WNT3: variants seen among roughly 807,000 people sequenced by gnomAD.
WNT3 encodes proto-oncogene Wnt-3.
WNT3 carries 7 observed loss-of-function variants against 34.2 expected under a neutral mutation model. That is an observed-to-expected ratio of 0.20 (90% confidence interval 0.12 to 0.38). The LOEUF is 0.38. Ranked by LOEUF, WNT3 falls within the 10% of genes least tolerant of loss-of-function variation. WNT3 has a pLI of 1.00. For missense variants in WNT3, 267 were observed against 499.8 expected, an observed-to-expected ratio of 0.53 and a Z score of 4.44; for synonymous variants, 212 against 211.5, an observed-to-expected ratio of 1.00 and a Z score of -0.02.
At position 46,768,334 on chromosome 17, in the gene WNT3, G is replaced by A; in HGVS notation, c.1054C>T (p.His352Tyr). ...TACCTGGTGCCCTACTTGCAGGTGT[G>A]CACGTCGTAGATGCGAATACACTCC... ...CQECIRIYDV[H>Y]TCK The change falls in exon 4 of 5, where the codon CAC (histidine) becomes TAC (tyrosine). Residue 352 changes from histidine to tyrosine, a missense_variant. This residue lies in a region of WNT3 where 60 missense variants were observed against 82.7 expected (regional missense o/e 0.73). Coordinates refer to ENST00000225512, the MANE Select transcript of WNT3 (RefSeq NM_030753.5). This position sits in a 1 kb window ranked among gnomAD's most constrained non-coding sequence, Gnocchi z 5.0. 1.2e-6 allele frequency: 2 copies of A among 1,613,682 alleles called. No individual in the cohort carries two copies. Among genetic ancestry groups the A allele is most frequent in the Non-Finnish European group, 1.7e-6 (2 of 1,180,038 alleles).
Position 46,763,791 on chromosome 17 carries a change from T to C in WNT3, c.*839A>G, listed in dbSNP as rs2059288631. The C allele has an allele frequency of 6.7e-6, 1 of 149,068 alleles. No individual in the cohort carries two copies. Among genetic ancestry groups the C allele is most frequent in the Non-Finnish European group, 1.5e-5 (1 of 67,712 alleles). 9.2% of individuals were successfully genotyped at this position (149,068 alleles called of 1,614,324 possible). A position where few individuals can be genotyped will look rare whatever the true frequency, so the allele number is the denominator to read the frequency against. Reference sequence around the variant, plus strand: ...GGAAGCCATTTGAGCTAGAGAAGACTTGCCCCCTTACATAGCCTATTTACA... The same window carrying C: ...GGAAGCCATTTGAGCTAGAGAAGACCTGCCCCCTTACATAGCCTATTTACA... On this transcript the variant is annotated 3_prime_UTR_variant, in exon 5 of 5. Coordinates refer to ENST00000225512, the MANE Select transcript of WNT3 (RefSeq NM_030753.5).
intron 1 of WNT3, among the ~76,000 whole-genome samples, chr17:46,788,290 T>G (rs2083933010): frequency 6.6e-6 from 1 of 152,200 alleles, no homozygotes; most frequent in Admixed American, 6.5e-5. Context: ...GTAACATTTC[T>G]CCCCTTCCTG....
intron 1 of WNT3, among the ~76,000 whole-genome samples, chr17:46,799,395 C>T (rs1166320332): frequency 6.6e-6 from 1 of 151,896 alleles, no homozygotes. Context: ...ATTAGATGAC[C>T]TGTAGAACAT....
chr17:46,786,438 A>G (rs1413853494), intron 1 of WNT3, among the ~76,000 whole-genome samples: 1 of 152,212 alleles, frequency 6.6e-6, no homozygotes, highest in Non-Finnish European at 1.5e-5. Context: ...GCCTAGGCCC[A>G]GAGGGGTGTC....
chr17:46,796,142 C>T (rs886572102), intron 1 of WNT3, among the ~76,000 whole-genome samples: 1 of 152,194 alleles, frequency 6.6e-6, no homozygotes, highest in East Asian at 1.9e-4. Context: ...ATTGCTACCA[C>T]CCATTACCAC....
intron 1 of WNT3, among the ~76,000 whole-genome samples, chr17:46,787,210 G>C (rs1252222856): frequency 6.6e-6 from 1 of 151,616 alleles, no homozygotes; most frequent in Admixed American, 6.6e-5. Context: ...CCAAGTGCTG[G>C]GATTACAGGT....
chr17:46,804,446 C>A (rs2084166073), intron 1 of WNT3, among the ~76,000 whole-genome samples: 2 of 152,182 alleles, frequency 1.3e-5, no homozygotes, highest in Admixed American at 6.5e-5. Context: ...TGAGGGCAGG[C>A]ATGCTGGATT....
At chr17:46,767,301 C>G (rs1298258172) in intron 4 of WNT3, among the ~76,000 whole-genome samples, 3 of 152,170 alleles carry the variant, frequency 2.0e-5, no homozygotes, top group African/African-American at 7.2e-5. Flanking sequence ...CCCTCCTGCT[C>G]CCCGTCATCA....
chr17:46,770,052 C>A lies in WNT3; in HGVS notation c.323-4G>T, dbSNP rs778796952. 1.3e-6 allele frequency: 2 copies of A among 1,539,750 alleles called. No homozygotes were observed. Among genetic ancestry groups the A allele is most frequent in the African/African-American group, 2.7e-5 (2 of 73,134 alleles). On this transcript the variant is annotated splice_region_variant and splice_polypyrimidine_tract_variant and intron_variant, in intron 2 of 4. Transcript: ENST00000225512. ...ACGAAGGCCGACTCGCGGGTGGCTG[C>A]GGGGAGGTCGTGGGGAGGCAGCACT... is the stretch of plus-strand genomic sequence containing the variant.
intron 1 of WNT3, among the ~76,000 whole-genome samples, chr17:46,815,734 CAAGG>C (rs1164225820): frequency 6.6e-6 from 1 of 152,160 alleles, no homozygotes; most frequent in Non-Finnish European, 1.5e-5. Context: ...AAGCTGGTGT[CAAGG>C]AAGCCTGTGC....
chr17:46,779,649 G>T (rs1181742251), intron 1 of WNT3, among the ~76,000 whole-genome samples: 1 of 152,200 alleles, frequency 6.6e-6, no homozygotes, highest in Admixed American at 6.5e-5. Context: ...CTTGTGCATG[G>T]CCTTATCTAA....
intron 1 of WNT3, among the ~76,000 whole-genome samples, chr17:46,811,981 A>G (rs1278939882): frequency 6.6e-6 from 1 of 151,992 alleles, no homozygotes; most frequent in Non-Finnish European, 1.5e-5. Context: ...GAAAGAAAGA[A>G]ACTCAACTCT....
chr17:46,782,100 T>C (rs114487120), intron 1 of WNT3, among the ~76,000 whole-genome samples: 149,448 of 152,324 alleles, frequency 0.98, 73,372 homozygotes, highest in East Asian at 1. Flanking sequence ...CCTCCTCCCT[T>C]CGGTCTCAGG....
At chr17:46,772,976 C>T (rs758521530) in intron 2 of WNT3, among the ~76,000 whole-genome samples, 6 of 152,208 alleles carry the variant, frequency 3.9e-5, no homozygotes, top group Non-Finnish European at 8.8e-5. Context: ...AGCTGCCCAT[C>T]TTCCACCCAG....
chr17:46,777,044 C>G (rs530549396), intron 1 of WNT3, among the ~76,000 whole-genome samples: 5 of 152,088 alleles, frequency 3.3e-5, no homozygotes, highest in Non-Finnish European at 4.4e-5. Flanking sequence ...GCCCATTATA[C>G]AGATGAAAAA....
At chr17:46,775,051 G>A (rs954696227) in intron 1 of WNT3, among the ~76,000 whole-genome samples, 4 of 152,214 alleles carry the variant, frequency 2.6e-5, no homozygotes, top group East Asian at 1.9e-4. Context: ...AAGAGGGGCC[G>A]GGAGAAGACC....
chr17:46,788,904 ACACAGCTGCTAGCTC>A (rs746393023), intron 1 of WNT3, among the ~76,000 whole-genome samples: 106 of 152,248 alleles, frequency 7.0e-4, no homozygotes, highest in Non-Finnish European at 1.1e-3. Flanking sequence ...GGGCCTTTTA[ACACAGCTGCTAGCTC>A]CACAGTTTGG....
At chr17:46,767,695 A>G (rs1047185495) in intron 4 of WNT3, among the ~76,000 whole-genome samples, 1 of 152,198 alleles carries the variant, frequency 6.6e-6, no homozygotes, top group Non-Finnish European at 1.5e-5. Context: ...GCTATGCAAA[A>G]ATTTGATCTG....
intron 4 of WNT3, among the ~76,000 whole-genome samples, chr17:46,767,945 C>T (rs180992936): frequency 6.6e-6 from 1 of 152,258 alleles, no homozygotes; most frequent in East Asian, 1.9e-4. Context: ...CCTGCCACAA[C>T]GCCCGGCTAA....
Sources: gnomAD v4.1 joint callset for allele counts (sites outside exome capture counted in the v4.1 genomes callset) on GRCh38, gnomAD v4.1.1 for gene constraint, gnomAD v4.1.1 regional missense constraint, Gnocchi (gnomAD v3.1) non-coding constraint, MANE v1.5 for transcripts, NCBI Gene and HGNC (gene_info 2026-07-23, HGNC 2026-07-21) for gene names.